TAB2: variants seen among roughly 807,000 people sequenced by gnomAD.
TAB2 encodes TGF-beta-activated kinase 1 and MAP3K7-binding protein 2.
TAB2 carries 3 observed loss-of-function variants against 65.0 expected under a neutral mutation model. That is an observed-to-expected ratio of 0.05 (90% CI 0.02 to 0.12). The LOEUF (loss-of-function observed/expected upper bound fraction) is 0.12, where lower values mean the gene tolerates loss of function less well. Ranked by LOEUF, TAB2 falls within the 10% of genes least tolerant of loss-of-function variation. The pLI, the probability that TAB2 is intolerant of heterozygous loss-of-function variation, is 1.00. For missense variants in TAB2, 623 were observed against 840.3 expected (o/e 0.74, Z 3.20); for synonymous variants, 298 against 285.1 (o/e 1.05, Z -0.46).
chr6:149,356,187 T>C (rs1204917511), intron 1 of TAB2, among the ~76,000 whole-genome samples: 1 of 152,196 alleles, frequency 6.6e-6, no homozygotes, highest in East Asian at 1.9e-4. Flanking sequence ...CTTTAGCACA[T>C]AGAAATGTAG....
At chr6:149,288,889 G>A (rs570502719) in intron 1 of TAB2, among the ~76,000 whole-genome samples, 116 of 130,534 alleles carry the variant, frequency 8.9e-4, no homozygotes, top group African/African-American at 3.3e-3. Context: ...ACAGAGTCTC[G>A]CTCTGTCTCC....
At chr6:149,274,620 A>G (rs937458085) in intron 1 of TAB2, among the ~76,000 whole-genome samples, 1 of 152,182 alleles carries the variant, frequency 6.6e-6, no homozygotes, top group Admixed American at 6.5e-5. Context: ...GGCTATACTC[A>G]TTGTCCTGGA....
At chr6:149,342,365 CTT>C (rs1470733988) in intron 1 of TAB2, among the ~76,000 whole-genome samples, 1 of 152,098 alleles carries the variant, frequency 6.6e-6, no homozygotes, top group Admixed American at 6.5e-5. Flanking sequence ...TTGTTTTTCT[CTT>C]TCTGTTAGAG....
At chr6:149,310,057 C>T (rs1042998544) in intron 1 of TAB2, among the ~76,000 whole-genome samples, 3 of 151,320 alleles carry the variant, frequency 2.0e-5, no homozygotes, top group Admixed American at 1.3e-4. Context: ...TGGAGTGGGG[C>T]GCAGTGCCTC....
At chr6:149,325,134 A>C (rs770903367) in intron 1 of TAB2, among the ~76,000 whole-genome samples, 38 of 152,208 alleles carry the variant, frequency 2.5e-4, no homozygotes, top group Non-Finnish European at 4.3e-4. Flanking sequence ...GTATAATAAA[A>C]GTTCTGGGCT....
intron 1 of TAB2, among the ~76,000 whole-genome samples, chr6:149,269,038 T>A (rs1778314879): frequency 6.6e-6 from 1 of 152,190 alleles, no homozygotes; most frequent in Non-Finnish European, 1.5e-5. Flanking sequence ...CCTCTGAATC[T>A]TAGGTTCCTT....
At position 149,379,036 on chromosome 6, in the gene TAB2, C is replaced by T. The variant is rs774198686; in HGVS notation, c.1121C>T (p.Pro374Leu). 1.9e-6 allele frequency: 3 copies of T among 1,614,208 alleles called. No homozygotes were observed. The highest frequency in any genetic ancestry group is 2.5e-6 in the Non-Finnish European group (3 of 1,180,040). Residue 374 changes from proline (P) to leucine (L), a missense_variant, in exon 3 of 7, where the codon CCA becomes CTA. Pro to Leu is a moderately conservative substitution (Grantham distance 98). This residue lies in a region of TAB2 where 550 missense variants were observed against 665.7 expected (regional missense o/e 0.83). Transcript: ENST00000637181. Reference sequence around the variant, plus strand: ...ACTGTTTACATAGCTGCCAGCCCCCCAAATACGGATGAGCTGATGTCCCGT... The same window carrying T: ...ACTGTTTACATAGCTGCCAGCCCCCTAAATACGGATGAGCTGATGTCCCGT... ...QPTVYIAASP[P>L]NTDELMSRSQ...
intron 1 of TAB2, among the ~76,000 whole-genome samples, chr6:149,298,072 C>T (rs561153449): frequency 2.0e-5 from 3 of 152,080 alleles, no homozygotes; most frequent in Non-Finnish European, 1.5e-5. Flanking sequence ...GAGTCACCAA[C>T]TTAAAATACT....
chr6:149,339,882 C>A (rs1278275505), intron 1 of TAB2, among the ~76,000 whole-genome samples: 1 of 152,066 alleles, frequency 6.6e-6, no homozygotes, highest in Non-Finnish European at 1.5e-5. Flanking sequence ...AGCCACCATG[C>A]CCGGCCTCAA....
intron 1 of TAB2, among the ~76,000 whole-genome samples, chr6:149,298,061 A>G (rs1448479644): frequency 1.3e-5 from 2 of 152,232 alleles, no homozygotes; most frequent in Admixed American, 1.3e-4. Context: ...CCTAAAAAGT[A>G]GAGTCACCAA....
chr6:149,245,229 G>A (rs1010064882), intron 1 of TAB2: 4 of 152,206 alleles, frequency 2.6e-5, no homozygotes, highest in African/African-American at 9.7e-5. Flanking sequence ...AAAGACCCAA[G>A]TTTTGGAAAG....
chr6:149,310,036 G>C (rs1779141703), intron 1 of TAB2, among the ~76,000 whole-genome samples: 1 of 152,118 alleles, frequency 6.6e-6, no homozygotes, highest in Admixed American at 6.5e-5. Flanking sequence ...ACTGAGTTAA[G>C]TTTATAATCA....
At chr6:149,275,595 T>C (rs544713078) in intron 1 of TAB2, among the ~76,000 whole-genome samples, 1 of 152,206 alleles carries the variant, frequency 6.6e-6, no homozygotes, top group African/African-American at 2.4e-5. Context: ...AACTGTGAGC[T>C]GTGCAGAGGG....
At chr6:149,382,085 G>A (rs1306291849) in intron 3 of TAB2, among the ~76,000 whole-genome samples, 2 of 152,180 alleles carry the variant, frequency 1.3e-5, no homozygotes, top group Non-Finnish European at 2.9e-5. Flanking sequence ...TAAAAGCTAT[G>A]AAGCCCTACA....
intron 1 of TAB2, among the ~76,000 whole-genome samples, chr6:149,304,751 T>C (rs1779031763): frequency 6.6e-6 from 1 of 152,186 alleles, no homozygotes; most frequent in Non-Finnish European, 1.5e-5. Context: ...GAATCACTTG[T>C]TTAAAAGTGG....
chr6:149,410,033 T>G lies in TAB2; in HGVS notation c.*314T>G. On this transcript the variant is annotated 3_prime_UTR_variant, in exon 7 of 7. Transcript: ENST00000637181. The stretch of plus-strand genomic sequence containing the variant: ...TTAACACCTAGGTGTTCCCAATACC[T>G]TTTTCCCCTCATGTCACTACTGAAT... 1 of 356,528 alleles carries G rather than the reference T, an allele frequency of 2.8e-6. No individual in the cohort carries two copies. Among genetic ancestry groups the G allele is most frequent in the Non-Finnish European group, 5.2e-6 (1 of 192,208 alleles). 22.1% of individuals were successfully genotyped at this position (356,528 alleles called of 1,614,324 possible).
chr6:149,263,899 T>C (rs899040669), intron 1 of TAB2, among the ~76,000 whole-genome samples: 2 of 152,128 alleles, frequency 1.3e-5, no homozygotes, highest in Non-Finnish European at 1.5e-5. Context: ...CCAGATCTCT[T>C]CTTGACTTTG....
intron 1 of TAB2, among the ~76,000 whole-genome samples, chr6:149,362,693 A>G (rs1780891796): frequency 6.6e-6 from 1 of 152,212 alleles, no homozygotes. Flanking sequence ...TTAGAAAACT[A>G]TCCCATCTGG....
At chr6:149,344,910 T>TA (rs1432559647) in intron 1 of TAB2, among the ~76,000 whole-genome samples, 1 of 152,208 alleles carries the variant, frequency 6.6e-6, no homozygotes, top group Non-Finnish European at 1.5e-5. Context: ...TGGCTCATAG[T>TA]AAGTGTAGAA....
Sources: allele counts gnomAD v4.1 joint callset (sites outside exome capture counted in the v4.1 genomes callset), GRCh38; gene constraint gnomAD v4.1.1; regional missense constraint gnomAD v4.1.1; transcripts MANE v1.5; gene names NCBI Gene and HGNC (gene_info 2026-07-23, HGNC 2026-07-21).